Variants in CREB5 observed in about 807,000 individuals in gnomAD.
CREB5 encodes the protein cyclic AMP-responsive element-binding protein 5.
CREB5 carries 19 observed loss-of-function variants against 57.1 expected under a neutral mutation model. The observed-to-expected ratio is 0.33, with a 90% CI of 0.23 to 0.49. CREB5 has a LOEUF of 0.49. CREB5 is among the 20% of genes least tolerant of loss of function. CREB5 has a pLI of 0.99. For missense variants in CREB5, 579 were observed against 671.6 expected, an observed-to-expected ratio of 0.86 and a Z score of 1.52; for synonymous variants, 238 against 238.3, an observed-to-expected ratio of 1.00 and a Z score of 0.01.
intron 5 of CREB5, among the ~76,000 whole-genome samples, chr7:28,631,263 C>T (rs1020702379): frequency 3.3e-5 from 5 of 152,316 alleles, no homozygotes; most frequent in African/African-American, 9.6e-5. Context: ...GCACCCTTCA[C>T]AGCTGTTTGT....
At chr7:28,423,313 G>A (rs1349817386) in intron 1 of CREB5, among the ~76,000 whole-genome samples, 1 of 152,010 alleles carries the variant, frequency 6.6e-6, no homozygotes, top group East Asian at 1.9e-4. Flanking sequence ...TATGTGCTGG[G>A]TACCAGGGAT....
intron 4 of CREB5, among the ~76,000 whole-genome samples, chr7:28,509,336 A>G (rs1253210046): frequency 6.6e-6 from 1 of 152,206 alleles, no homozygotes; most frequent in Non-Finnish European, 1.5e-5. Flanking sequence ...GATTTCTTAT[A>G]TGAAGCCCTG....
chr7:28,430,137 C>T (rs962059804), intron 1 of CREB5, among the ~76,000 whole-genome samples: 2 of 152,126 alleles, frequency 1.3e-5, no homozygotes, highest in African/African-American at 4.8e-5. Flanking sequence ...CACCCTGGCT[C>T]CATGGATACA....
intron 4 of CREB5, among the ~76,000 whole-genome samples, chr7:28,544,291 G>T (rs1466000177): frequency 1.3e-5 from 2 of 152,140 alleles, no homozygotes; most frequent in Non-Finnish European, 2.9e-5. Context: ...CCAGAGATAT[G>T]TGAGCTTTGG....
At chr7:28,656,050 A>G (rs1468054146) in intron 5 of CREB5, among the ~76,000 whole-genome samples, 1 of 152,250 alleles carries the variant, frequency 6.6e-6, no homozygotes, top group African/African-American at 2.4e-5. Context: ...CATATTGAAT[A>G]TAATTTTTAT....
Position 28,699,656 on chromosome 7 carries a change from T to C in CREB5, c.465-19097T>C, listed in dbSNP as rs918362362. Among the ~76,000 whole-genome samples, 7 of 152,298 alleles carry C rather than the reference T, an allele frequency of 4.6e-5. No individual in the cohort carries two copies. In the South Asian group the frequency reaches 1.2e-3, roughly 27 times the overall value. On this transcript the variant is annotated intron_variant, in intron 5 of 10. Coordinates refer to ENST00000357727, the MANE Select transcript of CREB5 (RefSeq NM_182898.4). The stretch of plus-strand genomic sequence containing the variant: ...GAACTGTATAAATGAAAACTGGAAA[T>C]ACTGGAGTGAAAAAAAGTTATATCA...
chr7:28,504,477 A>G (rs538189147), intron 3 of CREB5, among the ~76,000 whole-genome samples: 2 of 152,334 alleles, frequency 1.3e-5, no homozygotes, highest in South Asian at 2.1e-4. Context: ...GCTGGTTTCA[A>G]TAAGAACTTA....
At chr7:28,346,476 T>C (rs1292831503) in intron 1 of CREB5, among the ~76,000 whole-genome samples, 1 of 152,214 alleles carries the variant, frequency 6.6e-6, no homozygotes, top group Non-Finnish European at 1.5e-5. Flanking sequence ...TGCCTCCTAA[T>C]ACCATCACCT....
intron 1 of CREB5, among the ~76,000 whole-genome samples, chr7:28,326,200 TCTATCTATCTAC>T (rs56695651): frequency 0.055 from 7,054 of 127,148 alleles, 213 homozygotes; most frequent in Non-Finnish European, 0.079. Flanking sequence ...TATCTATCTA[TCTATCTATCTAC>T]CTATCTATCT....
intron 1 of CREB5, among the ~76,000 whole-genome samples, chr7:28,438,692 C>T (rs1194275707): frequency 6.6e-6 from 1 of 152,142 alleles, no homozygotes; most frequent in Non-Finnish European, 1.5e-5. Context: ...TTTGGAAATA[C>T]TGAAAATTGA....
chr7:28,310,536 A>C (rs1307899537), intron 1 of CREB5, among the ~76,000 whole-genome samples: 1 of 152,236 alleles, frequency 6.6e-6, no homozygotes, highest in Non-Finnish European at 1.5e-5. Context: ...ATTCTTTTCA[A>C]CTATGAAATT....
At chr7:28,790,367 C>T (rs1807590605) in intron 7 of CREB5, among the ~76,000 whole-genome samples, 1 of 150,548 alleles carries the variant, frequency 6.6e-6, no homozygotes, top group Non-Finnish European at 1.5e-5. Flanking sequence ...TGATCTACTT[C>T]CCGTAGTGAA....
intron 5 of CREB5, among the ~76,000 whole-genome samples, chr7:28,659,801 T>C (rs1799522873): frequency 6.6e-6 from 1 of 152,164 alleles, no homozygotes; most frequent in African/African-American, 2.4e-5. Flanking sequence ...CCTCCTCTCA[T>C]AACCTCCTCT....
At chr7:28,526,208 C>A (rs1793442639) in intron 4 of CREB5, among the ~76,000 whole-genome samples, 1 of 152,168 alleles carries the variant, frequency 6.6e-6, no homozygotes, top group African/African-American at 2.4e-5. Flanking sequence ...AGGAAATAAT[C>A]TTTCTGTTGT....
intron 1 of CREB5, among the ~76,000 whole-genome samples, chr7:28,416,162 G>A (rs1412302005): frequency 6.6e-6 from 1 of 152,138 alleles, no homozygotes; most frequent in Non-Finnish European, 1.5e-5. Flanking sequence ...TCACCCACAG[G>A]TTTCCTCTCC....
intron 1 of CREB5, among the ~76,000 whole-genome samples, chr7:28,350,143 A>G (rs1439428121): frequency 6.6e-6 from 1 of 152,244 alleles, no homozygotes; most frequent in Non-Finnish European, 1.5e-5. Flanking sequence ...AAAATGGGAA[A>G]GGTTAACACA....
chr7:28,761,121 A>T (rs1412822589), intron 7 of CREB5, among the ~76,000 whole-genome samples: 1 of 152,222 alleles, frequency 6.6e-6, no homozygotes, highest in East Asian at 1.9e-4. Flanking sequence ...ACAGTATATG[A>T]TTGACAGGGT....
chr7:28,625,243 T>A (rs548774646), intron 5 of CREB5, among the ~76,000 whole-genome samples: 82 of 152,294 alleles, frequency 5.4e-4, no homozygotes, highest in Admixed American at 1.3e-3. Context: ...TGCCACTCCA[T>A]CAGACAGCTT....
intron 7 of CREB5, among the ~76,000 whole-genome samples, chr7:28,734,529 A>G (rs943419113): frequency 6.6e-6 from 1 of 152,050 alleles, no homozygotes; most frequent in Admixed American, 6.6e-5. Context: ...AAATTTAACT[A>G]TTTCCTCATT....
Sources: allele counts gnomAD v4.1 joint callset (sites outside exome capture counted in the v4.1 genomes callset), GRCh38; gene constraint gnomAD v4.1.1; transcripts MANE v1.5; gene names NCBI Gene and HGNC (gene_info 2026-07-23, HGNC 2026-07-21).